PER2: variants seen among roughly 807,000 people sequenced by gnomAD.
PER2 encodes period circadian regulator 2, also known as period circadian protein homolog 2.
A neutral mutation model predicts 121.0 loss-of-function variants in PER2; 66 were observed. The observed-to-expected ratio is 0.55, with a 90% CI of 0.45 to 0.67. The LOEUF is 0.67. Ranked by LOEUF, PER2 falls within the 30% of genes least tolerant of loss-of-function variation. The pLI, the probability that PER2 is intolerant of heterozygous loss-of-function variation, is 0.00. For synonymous variants in PER2, 684 were observed against 659.9 expected, an observed-to-expected ratio of 1.04 and a Z score of -0.56; for missense variants, 1,521 against 1,635.0, an observed-to-expected ratio of 0.93 and a Z score of 1.20.
In PER2 at chr2:238,257,034, C is replaced by G. The variant is rs370622440; in HGVS notation, c.1953G>C (p.Leu651=). The G allele has an allele frequency of 1.1e-5, 18 of 1,613,236 alleles. No homozygotes were observed. The African/African-American group carries it at 1.7e-4, about 16-fold the overall frequency. The part of the protein sequence containing the change: ...VNSRTGVGTH[L]TSLALPGKAE... ...CCTTGCCCGGCAGTGCCAGCGAGGTCAGGTGCGTACCTACTCCCGTGCGGC... is the reference window on the plus strand; with the variant it reads ...CCTTGCCCGGCAGTGCCAGCGAGGTGAGGTGCGTACCTACTCCCGTGCGGC... Residue 651 remains leucine (L), a synonymous_variant, in exon 17 of 23, where the codon CTG becomes CTC. Transcript: ENST00000254657.
intron 6 of PER2, among the ~76,000 whole-genome samples, chr2:238,271,063 T>G (rs565488238): frequency 1.1e-4 from 16 of 152,340 alleles, no homozygotes; most frequent in African/African-American, 3.6e-4. Flanking sequence ...TCCAAACAAC[T>G]TCATTTCTAA....
At chr2:238,275,626 T>C in intron 4 of PER2, 117 bp downstream of exon 4, 2 of 1,124,764 alleles carry the variant, frequency 1.8e-6, no homozygotes, top group Non-Finnish European at 1.3e-6. Flanking sequence ...AAGTCAAGGC[T>C]GCAGTGAGCT....
chr2:238,279,760 CG>C (rs1559336418), intron 1 of PER2, among the ~76,000 whole-genome samples: 1 of 152,184 alleles, frequency 6.6e-6, no homozygotes, highest in East Asian at 1.9e-4. Flanking sequence ...TACAATTGGT[CG>C]GGGGGAGGGA....
chr2:238,283,644 T>C (rs547190807), intron 1 of PER2, among the ~76,000 whole-genome samples: 10 of 152,336 alleles, frequency 6.6e-5, no homozygotes, highest in South Asian at 2.1e-4. Flanking sequence ...AGAACTCCGA[T>C]AGGGAACTGT....
Position 238,258,260 on chromosome 2 carries a change from T to C in PER2, c.1900+16A>G, listed in dbSNP as rs773781551. ...ACATTATTTCACATGTACATGGCTC[T>C]ACACAGATTAGATACCTCCAGCGTG... On this transcript the variant is annotated intron_variant, in intron 16 of 22. Coordinates refer to ENST00000254657, the MANE Select transcript of PER2 (RefSeq NM_022817.3). 6.8e-6 allele frequency: 11 copies of C among 1,614,076 alleles called. No individual in the cohort carries two copies. The Admixed American group carries it at 1.5e-4, about 22-fold the overall frequency.
rs1043849677 is a variant in PER2 at position 238,250,586 on chromosome 2, G to A, written c.3432C>T (p.Asp1144=). The part of the protein sequence containing the change: ...DPIWLLMADA[D]SSVMMTYQLP... ...GCTGGTACGTCATCATGACGCTGCTGTCCGCATCTGCCATCAGCAGCCAGA... is the reference window on the plus strand; with the variant it reads ...GCTGGTACGTCATCATGACGCTGCTATCCGCATCTGCCATCAGCAGCCAGA... The change falls in exon 21 of 23, where the codon GAC becomes GAT. Residue 1144 remains aspartate, a synonymous_variant. Coordinates refer to ENST00000254657, the MANE Select transcript of PER2 (RefSeq NM_022817.3). The A allele has an allele frequency of 1.2e-6, 2 of 1,613,728 alleles. No homozygotes were observed. The highest frequency in any genetic ancestry group is 8.5e-7 in the Non-Finnish European group (1 of 1,179,778).
At chr2:238,292,561 G>C (rs1209796411), upstream of PER2, among the ~76,000 whole-genome samples, 1 of 152,202 alleles carries the variant, frequency 6.6e-6, no homozygotes, top group Non-Finnish European at 1.5e-5. Flanking sequence ...TCCACCCTGG[G>C]GGAGGAAGTG....
Position 238,262,270 on chromosome 2 carries a change from A to G in PER2, c.1228T>C (p.Leu410=), listed in dbSNP as rs768167664. 12 of 1,613,856 alleles carry G rather than the reference A, an allele frequency of 7.4e-6. No homozygotes were observed. The highest frequency in any genetic ancestry group is 5.3e-5 in the African/African-American group (4 of 74,880). The change falls in exon 11 of 23, where the codon TTG becomes CTG. Residue 410 remains leucine (L), a synonymous_variant. Transcript: ENST00000254657. ...ATGAAGCTGGACCAGCTGGTGTCCAACGTGATGTACTCTCCGTTCCGGGCG... is the reference window on the plus strand; with the variant it reads ...ATGAAGCTGGACCAGCTGGTGTCCAGCGTGATGTACTCTCCGTTCCGGGCG... The part of the protein sequence containing the change: ...FRARNGEYIT[L]DTSWSSFINP...
intron 6 of PER2, among the ~76,000 whole-genome samples, chr2:238,270,101 G>C (rs1166594182): frequency 6.6e-6 from 1 of 152,202 alleles, no homozygotes; most frequent in Admixed American, 6.5e-5. Context: ...CTAAGAAACC[G>C]AATTTGTCAG....
chr2:238,282,537 A>T (rs1044720329), intron 1 of PER2, among the ~76,000 whole-genome samples: 9 of 152,254 alleles, frequency 5.9e-5, no homozygotes, highest in Non-Finnish European at 1.0e-4. Context: ...GGCCAGAAAG[A>T]CTGATGTGGG....
At position 238,275,786 on chromosome 2, in the gene PER2, C is replaced by T. The variant is rs770539493; in HGVS notation, c.405G>A (p.Leu135=). ...DKKAKGKAST[L]ATLKYALRSV... is the part of the protein sequence containing the mutation. ...TCCTGAGGGCGTACTTCAAGGTGGC[C>T]AGCGTACTGGCCTTGCCCTTGGCCT... is the stretch of plus-strand genomic sequence containing the variant. The change falls in exon 4 of 23, where the codon CTG becomes CTA. Residue 135 remains leucine, a synonymous_variant. Transcript: ENST00000254657. The T allele has an allele frequency of 2.5e-6, 4 of 1,614,132 alleles. No homozygotes were observed. In the African/African-American group the frequency reaches 5.3e-5, roughly 22 times the overall value.
At chr2:238,260,307 A>G (rs576453087) in intron 13 of PER2, among the ~76,000 whole-genome samples, 2 of 151,500 alleles carry the variant, frequency 1.3e-5, no homozygotes, top group East Asian at 3.9e-4. Flanking sequence ...CCCAGGCTGG[A>G]GTGCAGTGGC....
intron 15 of PER2, 41 bp from the exon 16 acceptor site, chr2:238,258,441 TGA>T (rs757736755): frequency 1.4e-5 from 22 of 1,613,990 alleles, no homozygotes; most frequent in Middle Eastern, 3.3e-4. Context: ...CCACACAACA[TGA>T]GAGGAGGGAA....
At chr2:238,286,727 G>T (rs571664460) in intron 1 of PER2, among the ~76,000 whole-genome samples, 5 of 152,368 alleles carry the variant, frequency 3.3e-5, no homozygotes, top group African/African-American at 1.2e-4. Flanking sequence ...AAGTGGCCCT[G>T]CCAGCTGTTC....
At chr2:238,264,129 C>G (rs1294990813) in intron 9 of PER2, among the ~76,000 whole-genome samples, 1 of 152,220 alleles carries the variant, frequency 6.6e-6, no homozygotes, top group African/African-American at 2.4e-5. Context: ...TGTGGCCCAT[C>G]ATGCCAGGTG....
chr2:238,262,893 C>T (rs868657427), intron 10 of PER2, 59 bp downstream of exon 10: 2 of 1,200,868 alleles, frequency 1.7e-6, no homozygotes, highest in Non-Finnish European at 2.5e-6. Flanking sequence ...AGAAGCAGCC[C>T]CAAGGACACA....
In PER2 at chr2:238,268,856, C is replaced by G; in HGVS notation, c.824+67G>C. The G allele has an allele frequency of 2.5e-6, 3 of 1,190,864 alleles. No individual in the cohort carries two copies. Among genetic ancestry groups the G allele is most frequent in the Non-Finnish European group, 3.8e-6 (3 of 794,476 alleles). The allele number at this position is 1,190,864 out of a possible 1,614,324, so 73.8% of individuals were successfully genotyped here. A position where few individuals can be genotyped will look rare whatever the true frequency, so the allele number is the denominator to read the frequency against. On this transcript the variant is annotated intron_variant, in intron 7 of 22. Transcript: ENST00000254657. The surrounding 1 kb of genome is among the most constrained non-coding windows in gnomAD (Gnocchi z 4.0). The stretch of plus-strand genomic sequence containing the variant: ...AGGGATCACGCCCCCCAGCCTCAAG[C>G]GGAGCAGTGCTGGGGTGAAATGTTT...
chr2:238,253,781 G>A lies in PER2; in HGVS notation c.2321-79C>T, dbSNP rs1695683413. ...ACACCTCTTCGTTCAACAGTCCTGG[G>A]TTTCCAAATGCTGGCCCAGGGCCTG... On this transcript the variant is annotated intron_variant, in intron 18 of 22. Coordinates refer to ENST00000254657, the MANE Select transcript of PER2 (RefSeq NM_022817.3). This position sits in a 1 kb window ranked among gnomAD's most constrained non-coding sequence, Gnocchi z 5.6. 6 of 1,154,102 alleles carry A rather than the reference G, an allele frequency of 5.2e-6. No individual in the cohort carries two copies. Among genetic ancestry groups the A allele is most frequent in the Non-Finnish European group, 6.3e-6 (5 of 798,484 alleles). The allele number at this position is 1,154,102 out of a possible 1,614,324, so 71.5% of individuals were successfully genotyped here.
chr2:238,258,924 G>A (rs1056739999), intron 14 of PER2, among the ~76,000 whole-genome samples: 1 of 152,070 alleles, frequency 6.6e-6, no homozygotes, highest in Non-Finnish European at 1.5e-5. Context: ...CTCAGCAGTG[G>A]GAGACAGCAG....
Sources: allele counts gnomAD v4.1 joint callset (sites outside exome capture counted in the v4.1 genomes callset), GRCh38; gene constraint gnomAD v4.1.1; non-coding constraint Gnocchi (gnomAD v3.1); transcripts MANE v1.5; gene names NCBI Gene and HGNC (gene_info 2026-07-23, HGNC 2026-07-21).